Variants in SDC3 observed in about 807,000 individuals in gnomAD.
SDC3 encodes the protein syndecan-3.
SDC3 carries 13 observed loss-of-function variants against 24.4 expected under a neutral mutation model. That is an observed-to-expected ratio of 0.53 (90% confidence interval 0.35 to 0.85). SDC3 has a LOEUF of 0.85. Ranked by LOEUF, SDC3 falls within the 40% of genes least tolerant of loss-of-function variation. SDC3 has a pLI of 0.01. For missense variants in SDC3, 571 were observed against 584.5 expected (o/e 0.98, Z 0.24); for synonymous variants, 295 against 260.9 (o/e 1.13, Z -1.26).
chr1:30,893,016 C>T (rs1004329754), intron 1 of SDC3, among the ~76,000 whole-genome samples: 11 of 152,180 alleles, frequency 7.2e-5, no homozygotes, highest in African/African-American at 2.7e-4. Flanking sequence ...CAGGGAAAGG[C>T]CAGCCCAACA....
At chr1:30,895,730 G>C (rs1349585886) in intron 1 of SDC3, among the ~76,000 whole-genome samples, 2 of 152,148 alleles carry the variant, frequency 1.3e-5, no homozygotes, top group African/African-American at 4.8e-5. Context: ...CTGTCCCCAA[G>C]GGGAGCCCTC....
At chr1:30,879,770 T>C (rs1216638770) in intron 1 of SDC3, among the ~76,000 whole-genome samples, 1 of 152,176 alleles carries the variant, frequency 6.6e-6, no homozygotes, top group Non-Finnish European at 1.5e-5. Context: ...CTGTGGTCCC[T>C]GGAAGCCCCC....
Position 30,895,266 on chromosome 1 carries a change from G to A in SDC3, c.138+13183C>T, listed in dbSNP as rs563153150. Among the ~76,000 whole-genome samples, 22 of 152,248 alleles carry A rather than the reference G, an allele frequency of 1.4e-4. No homozygotes were observed. In the East Asian group the frequency reaches 3.3e-3, roughly 23 times the overall value. ...ACGCAAACCCCTAACCCAAACTAAC[G>A]TCCTAAACAGAAACATGGCCTTAGC... On this transcript the variant is annotated intron_variant, in intron 1 of 4. Transcript: ENST00000339394.
At chr1:30,908,260 G>T (rs577117582) in intron 1 of SDC3, among the ~76,000 whole-genome samples, 189 bp downstream of exon 1, 48 of 150,312 alleles carry the variant, frequency 3.2e-4, no homozygotes, top group African/African-American at 1.0e-3. Flanking sequence ...ATTCCGGAGG[G>T]GGGGGAGCAG....
rs1472287835 is a variant in SDC3 at position 30,877,160 on chromosome 1, C to T, written c.262G>A (p.Glu88Lys). 2.5e-6 allele frequency: 4 copies of T among 1,613,454 alleles called. No individual in the cohort carries two copies. Among genetic ancestry groups the T allele is most frequent in the Non-Finnish European group, 2.5e-6 (3 of 1,179,936 alleles). Residue 88 changes from glutamate to lysine, a missense_variant, in exon 3 of 5, where the codon GAG (glutamate) becomes AAG (lysine). This residue lies in a region of SDC3 where 497 missense variants were observed against 471.6 expected (regional missense o/e 1.05). Coordinates refer to ENST00000339394, the MANE Select transcript of SDC3 (RefSeq NM_014654.4). ...LYSGSGSGYFEQESGIETAMR... is the reference protein window; with the variant it reads ...LYSGSGSGYFKQESGIETAMR... Reference sequence around the variant, plus strand: ...GCTGTCTCAATGCCCGACTCCTGCTCGAAGTCTGAGGGGGTGGGGGAGAGG... The same window carrying T: ...GCTGTCTCAATGCCCGACTCCTGCTTGAAGTCTGAGGGGGTGGGGGAGAGG...
intron 1 of SDC3, among the ~76,000 whole-genome samples, chr1:30,889,665 T>C (rs1008586269): frequency 6.6e-6 from 1 of 152,158 alleles, no homozygotes; most frequent in Admixed American, 6.5e-5. Context: ...GATGAATGGA[T>C]GCAAGAATGA....
At chr1:30,899,138 G>A (rs924608722) in intron 1 of SDC3, among the ~76,000 whole-genome samples, 2 of 152,192 alleles carry the variant, frequency 1.3e-5, no homozygotes, top group African/African-American at 4.8e-5. Flanking sequence ...CCAGGCTGGA[G>A]TGCAGTGGCA....
chr1:30,874,149 T>C, intron 4 of SDC3, 148 bp downstream of exon 4: 1 of 631,346 alleles, frequency 1.6e-6, no homozygotes, highest in Non-Finnish European at 2.7e-6. Context: ...TCCTGGGGGG[T>C]TGAGTTCTCA....
chr1:30,898,836 G>C (rs2124340313), intron 1 of SDC3, among the ~76,000 whole-genome samples: 1 of 152,342 alleles, frequency 6.6e-6, no homozygotes, highest in African/African-American at 2.4e-5. Flanking sequence ...TGGAAGTGGA[G>C]GCCCAGAGAG....
chr1:30,903,340 C>A (rs1314043442), intron 1 of SDC3, among the ~76,000 whole-genome samples: 1 of 152,196 alleles, frequency 6.6e-6, no homozygotes, highest in Non-Finnish European at 1.5e-5. Flanking sequence ...CCCCTCTCAT[C>A]CTGAGATTCC....
At position 30,872,831 on chromosome 1, in the gene SDC3, G is replaced by C. The variant is rs1639563071; in HGVS notation, c.*380C>G. On this transcript the variant is annotated 3_prime_UTR_variant, in exon 5 of 5. Coordinates refer to ENST00000339394, the MANE Select transcript of SDC3 (RefSeq NM_014654.4). ...CCTGAGTGCCTCTCTGCCCCAAAAAGGAGATCTCAGTGAGCACTGTGGGTG... is the reference window on the plus strand; with the variant it reads ...CCTGAGTGCCTCTCTGCCCCAAAAACGAGATCTCAGTGAGCACTGTGGGTG... The C allele has an allele frequency of 4.5e-6, 1 of 224,046 alleles. No homozygotes were observed. The highest frequency in any genetic ancestry group is 2.3e-5 in the African/African-American group (1 of 44,234). 13.9% of individuals were successfully genotyped at this position (224,046 alleles called of 1,614,324 possible).
chr1:30,878,774 A>T, intron 1 of SDC3, 34 bp from the exon 2 acceptor site: 1 of 1,586,856 alleles, frequency 6.3e-7, no homozygotes, highest in Non-Finnish European at 8.7e-7. Context: ...AGGGCTCGGC[A>T]CCCGAGACTG....
intron 1 of SDC3, among the ~76,000 whole-genome samples, chr1:30,905,160 A>G (rs1638492640): frequency 2.6e-5 from 4 of 152,076 alleles, no homozygotes; most frequent in Admixed American, 2.6e-4. Context: ...GGTGAGGACT[A>G]TCTCATCCTG....
At chr1:30,880,371 C>T (rs1310744026) in intron 1 of SDC3, among the ~76,000 whole-genome samples, 1 of 7,894 alleles carries the variant, frequency 1.3e-4, no homozygotes, top group African/African-American at 5.7e-4. Flanking sequence ...GGGGCAGAGA[C>T]GGGGAGGGTG....
intron 1 of SDC3, among the ~76,000 whole-genome samples, chr1:30,883,985 A>G (rs146345726): frequency 1.5e-3 from 224 of 152,300 alleles, no homozygotes; most frequent in Middle Eastern, 6.8e-3. Context: ...GACCCAGAGC[A>G]TCACCGCAGG....
intron 1 of SDC3, among the ~76,000 whole-genome samples, chr1:30,897,025 C>G (rs1246837418): frequency 6.6e-6 from 1 of 152,162 alleles, no homozygotes; most frequent in African/African-American, 2.4e-5. Context: ...GCATTGAAGG[C>G]ACTGACGGGA....
chr1:30,894,938 GTGTA>G (rs1639980080), intron 1 of SDC3, among the ~76,000 whole-genome samples: 1 of 151,974 alleles, frequency 6.6e-6, no homozygotes, highest in South Asian at 2.1e-4. Flanking sequence ...GCACATGGCA[GTGTA>G]TGTGTGTCCC....
At chr1:30,880,972 A>AC (rs558314760) in intron 1 of SDC3, among the ~76,000 whole-genome samples, 4 of 131,872 alleles carry the variant, frequency 3.0e-5, no homozygotes, top group Admixed American at 2.3e-4. Context: ...GGTAAACACA[A>AC]CCCCCCCATG....
Position 30,908,577 on chromosome 1 carries a change from C to A in SDC3, c.10G>T (p.Gly4Trp). 1 of 976,280 alleles carries A rather than the reference C, an allele frequency of 1.0e-6. No individual in the cohort carries two copies. Among genetic ancestry groups the A allele is most frequent in the Non-Finnish European group, 1.2e-6 (1 of 825,980 alleles). 60.5% of individuals were successfully genotyped at this position (976,280 alleles called of 1,614,324 possible). ...GCGGCCCCGGCACGGTGCGGCGGCC[C>A]CGGCTTCATGGCGGCGGCGCGGGCG... is the stretch of plus-strand genomic sequence containing the variant. MKPGPPHRAGAAHG... is the reference protein window; with the variant it reads MKPWPPHRAGAAHG... The change falls in exon 1 of 5, where the codon GGG becomes TGG. Residue 4 changes from glycine to tryptophan, a missense_variant. Coordinates refer to ENST00000339394, the MANE Select transcript of SDC3 (RefSeq NM_014654.4).
Sources: gnomAD v4.1 joint callset for allele counts (sites outside exome capture counted in the v4.1 genomes callset) on GRCh38, gnomAD v4.1.1 for gene constraint, gnomAD v4.1.1 regional missense constraint, MANE v1.5 for transcripts, NCBI Gene and HGNC (gene_info 2026-07-23, HGNC 2026-07-21) for gene names.